The following DPF3 variants were observed in gnomAD, a reference collection of about 807,000 sequenced individuals.
DPF3 encodes zinc finger protein DPF3.
In DPF3, 18 loss-of-function variants were observed where a neutral mutation model predicts 56.8. That is an observed-to-expected ratio of 0.32 (90% confidence interval 0.22 to 0.47). DPF3 has a LOEUF of 0.47. DPF3 is among the 20% of genes least tolerant of loss of function. The pLI is 1.00. For synonymous variants in DPF3, 188 were observed against 180.2 expected, an observed-to-expected ratio of 1.04 and a Z score of -0.35; for missense variants, 403 against 488.8, an observed-to-expected ratio of 0.82 and a Z score of 1.65.
At chr14:72,888,571 C>A (rs565939957) in intron 1 of DPF3, among the ~76,000 whole-genome samples, 2 of 152,240 alleles carry the variant, frequency 1.3e-5, no homozygotes, top group African/African-American at 4.8e-5. Flanking sequence ...CAACAACAAT[C>A]TTTGCAGAGT....
At chr14:72,865,509 T>A (rs571304546) in intron 1 of DPF3, among the ~76,000 whole-genome samples, 2 of 152,130 alleles carry the variant, frequency 1.3e-5, no homozygotes, top group African/African-American at 2.4e-5. Flanking sequence ...CTTGAACAAA[T>A]CTGGGGTGAA....
chr14:72,781,400 G>C (rs964648467), intron 1 of DPF3, among the ~76,000 whole-genome samples: 2 of 152,210 alleles, frequency 1.3e-5, no homozygotes, highest in Non-Finnish European at 2.9e-5. Flanking sequence ...CCTTGGGAAA[G>C]TTATGTCCGA....
intron 1 of DPF3, among the ~76,000 whole-genome samples, chr14:72,790,912 C>T (rs1161797151): frequency 6.6e-6 from 1 of 152,158 alleles, no homozygotes; most frequent in East Asian, 1.9e-4. Context: ...CTGGGTGCTG[C>T]GGAAGTCTGT....
intron 2 of DPF3, among the ~76,000 whole-genome samples, chr14:72,757,999 A>G (rs1310500804): frequency 6.6e-6 from 1 of 152,168 alleles, no homozygotes; most frequent in Non-Finnish European, 1.5e-5. Context: ...CAAAAATAAA[A>G]TAATAGTAGC....
At chr14:72,756,906 A>AAAGAAAGAAAGAAAGAAAG (rs1481374037) in intron 2 of DPF3, among the ~76,000 whole-genome samples, 16 of 74,708 alleles carry the variant, frequency 2.1e-4, no homozygotes, top group East Asian at 7.8e-4. Flanking sequence ...AGAAAAGAAA[A>AAAGAAAGAAAGAAAGAAAG]AAAGAAAGAA....
At chr14:72,793,800 T>C (rs1343131445) in intron 1 of DPF3, among the ~76,000 whole-genome samples, 4 of 152,236 alleles carry the variant, frequency 2.6e-5, no homozygotes, top group African/African-American at 4.8e-5. Context: ...GCAGTCCAGA[T>C]GTGGGAGCCT....
chr14:72,790,172 A>G (rs1892371080), intron 1 of DPF3, among the ~76,000 whole-genome samples: 1 of 152,188 alleles, frequency 6.6e-6, no homozygotes, highest in African/African-American at 2.4e-5. Flanking sequence ...GGACTGCTTG[A>G]GACCAGGAAC....
intron 4 of DPF3, 69 bp downstream of exon 4, chr14:72,731,738 G>A (rs1438303187): frequency 1.4e-5 from 23 of 1,595,278 alleles, no homozygotes; most frequent in Non-Finnish European, 2.0e-5. Context: ...AGCCAAGCCG[G>A]TGCTGGAGTT....
rs1555504003 is a variant in DPF3, at chr14:72,756,898, A to AAAGAAAG, written c.194-3528_194-3527insCTTTCTT. On this transcript the variant is annotated intron_variant, in intron 2 of 10. Coordinates refer to ENST00000556509, the MANE Select transcript of DPF3 (RefSeq NM_001280542.3). The stretch of plus-strand genomic sequence containing the variant: ...GAAGGAAAGAAGGAAAGAAAGAAAG[A>AAAGAAAG]AAAGAAAAAAAGAAAGAAAGAAAGA... Among the ~76,000 whole-genome samples the AAAGAAAG allele has an allele frequency of 3.9e-3, 168 of 42,648 alleles. 2 individuals carry two copies. Among genetic ancestry groups the AAAGAAAG allele is most frequent in the Middle Eastern group, 7.5e-3 (1 of 134 alleles). 28.0% of individuals were successfully genotyped at this position (42,648 alleles called of 152,430 possible). A position where few individuals can be genotyped will look rare whatever the true frequency, so the allele number is the denominator to read the frequency against.
chr14:72,776,115 C>G (rs1167704680), intron 1 of DPF3, among the ~76,000 whole-genome samples: 1 of 152,010 alleles, frequency 6.6e-6, no homozygotes, highest in Non-Finnish European at 1.5e-5. Flanking sequence ...GACCAGTGTA[C>G]CCTGGGTTGG....
At chr14:72,621,591 C>T (rs932227397) in intron 9 of DPF3, among the ~76,000 whole-genome samples, 4 of 152,172 alleles carry the variant, frequency 2.6e-5, no homozygotes, top group African/African-American at 7.2e-5. Flanking sequence ...GGGAGTGATA[C>T]GATCAGATTG....
intron 7 of DPF3, among the ~76,000 whole-genome samples, chr14:72,690,944 C>A (rs1308710592): frequency 6.6e-6 from 1 of 152,196 alleles, no homozygotes; most frequent in Non-Finnish European, 1.5e-5. Flanking sequence ...CTCCGTGTGA[C>A]CTCTTGGTCA....
chr14:72,685,622 C>T (rs550369509), intron 7 of DPF3, among the ~76,000 whole-genome samples: 46 of 152,346 alleles, frequency 3.0e-4, no homozygotes, highest in African/African-American at 1.1e-3. Context: ...GGATACATGA[C>T]TTGGTCTTTG....
At chr14:72,655,320 C>T (rs556600708) in intron 8 of DPF3, among the ~76,000 whole-genome samples, 67 of 152,144 alleles carry the variant, frequency 4.4e-4, no homozygotes, top group African/African-American at 1.4e-3. Flanking sequence ...TAATTAAATT[C>T]GTCTTCTAAT....
rs1003936865 is a variant in DPF3, at chr14:72,695,916, TA to T, written c.605-2704del. 3.3e-5 allele frequency among the ~76,000 whole-genome samples: 5 copies of T among 151,928 alleles called. No homozygotes were observed. The East Asian group carries it at 5.8e-4, about 18-fold the overall frequency. On this transcript the variant is annotated intron_variant, in intron 6 of 10. Transcript: ENST00000556509. ...CTCTTCCTCTCTCTCATAAATATTG[TA>T]AAAAAAATAAAATTAAAATAAAATA...
intron 1 of DPF3, among the ~76,000 whole-genome samples, chr14:72,803,401 G>A (rs1892964456): frequency 6.6e-6 from 1 of 152,222 alleles, no homozygotes; most frequent in African/African-American, 2.4e-5. Flanking sequence ...AGAGTCTGGG[G>A]AGAGGGAGAA....
intron 8 of DPF3, among the ~76,000 whole-genome samples, chr14:72,658,952 A>G (rs1886129398): frequency 6.6e-6 from 1 of 152,050 alleles, no homozygotes; most frequent in Non-Finnish European, 1.5e-5. Flanking sequence ...TTTATCACCA[A>G]CACTGAAAAA....
chr14:72,783,295 G>T (rs1306844422), intron 1 of DPF3, among the ~76,000 whole-genome samples: 1 of 150,182 alleles, frequency 6.7e-6, no homozygotes, highest in Non-Finnish European at 1.5e-5. Flanking sequence ...CAACTAAATT[G>T]CAAGTGCCAC....
At chr14:72,670,660 G>A (rs867165718) in intron 8 of DPF3, 48 of 907,786 alleles carry the variant, frequency 5.3e-5, no homozygotes, top group Middle Eastern at 5.8e-4. Flanking sequence ...TCTCTCTCTC[G>A]CAAAAAAAGT....
Sources: gnomAD v4.1 joint callset for allele counts (sites outside exome capture counted in the v4.1 genomes callset) on GRCh38, gnomAD v4.1.1 for gene constraint, MANE v1.5 for transcripts, NCBI Gene and HGNC (gene_info 2026-07-23, HGNC 2026-07-21) for gene names.